Variants in RHBDD1 observed in about 807,000 individuals in gnomAD.
RHBDD1 encodes rhomboid domain containing 1, also known as rhomboid-related protein 4.
A neutral mutation model predicts 36.3 loss-of-function variants in RHBDD1; 38 were observed. The ratio of observed to expected loss-of-function variants is 1.05; its 90% CI spans 0.81 to 1.37. RHBDD1 has a LOEUF of 1.37. Ranked by LOEUF, RHBDD1 falls within the 40% of genes most tolerant of loss-of-function variation. RHBDD1 has a pLI of 0.00. For missense variants in RHBDD1, 393 were observed against 377.6 expected, an observed-to-expected ratio of 1.04 and a Z score of -0.34; for synonymous variants, 151 against 136.5, an observed-to-expected ratio of 1.11 and a Z score of -0.74.
At chr2:226,986,512 C>T (rs998003740) in intron 8 of RHBDD1, among the ~76,000 whole-genome samples, 1 of 151,760 alleles carries the variant, frequency 6.6e-6, no homozygotes, top group African/African-American at 2.4e-5. Flanking sequence ...CATCAAAAAG[C>T]AGGTAAAGGA....
At chr2:226,928,552 T>G (rs1949816283) in intron 8 of RHBDD1, among the ~76,000 whole-genome samples, 1 of 151,944 alleles carries the variant, frequency 6.6e-6, no homozygotes, top group Admixed American at 6.6e-5. Flanking sequence ...TCAGAAAGTC[T>G]GAAAGATCAC....
intron 8 of RHBDD1, among the ~76,000 whole-genome samples, chr2:226,981,966 G>A (rs1337512031): frequency 6.6e-6 from 1 of 152,204 alleles, no homozygotes; most frequent in African/African-American, 2.4e-5. Flanking sequence ...CTAGACCTTT[G>A]TGGAGAAGCC....
At chr2:226,950,617 C>A (rs558924506) in intron 8 of RHBDD1, among the ~76,000 whole-genome samples, 1 of 152,234 alleles carries the variant, frequency 6.6e-6, no homozygotes, top group East Asian at 1.9e-4. Flanking sequence ...TGCAAGAGTT[C>A]CCCTTTCTCC....
At chr2:226,993,477 A>G (rs140363753) in intron 8 of RHBDD1, among the ~76,000 whole-genome samples, 3 of 152,270 alleles carry the variant, frequency 2.0e-5, no homozygotes, top group East Asian at 3.8e-4. Flanking sequence ...GGATCTCATC[A>G]TATAAAACAG....
chr2:226,820,960 G>A, the RHBDD1 span, among the ~76,000 whole-genome samples: 8 of 152,286 alleles, frequency 5.3e-5, no homozygotes, highest in East Asian at 5.8e-4. Flanking sequence ...AACAGCATCC[G>A]TGGCATCAGT....
At chr2:226,923,482 A>G (rs80332803) in intron 8 of RHBDD1, among the ~76,000 whole-genome samples, 12,868 of 152,014 alleles carry the variant, frequency 0.085, 734 homozygotes, top group Middle Eastern at 0.16. Context: ...TTGATTATTA[A>G]ATGTCTTGAG....
intron 8 of RHBDD1, among the ~76,000 whole-genome samples, chr2:226,948,895 G>A (rs1452402968): frequency 2.0e-5 from 3 of 152,172 alleles, no homozygotes; most frequent in Admixed American, 2.0e-4. Context: ...AAACCCCATC[G>A]TCTCAGCTCA....
intron 5 of RHBDD1, among the ~76,000 whole-genome samples, chr2:226,895,226 C>G (rs555428688): frequency 6.6e-6 from 1 of 152,308 alleles, no homozygotes; most frequent in South Asian, 2.1e-4. Flanking sequence ...GTTACATGAG[C>G]CAGGGTGAAG....
the RHBDD1 span, among the ~76,000 whole-genome samples, chr2:226,801,496 G>A: frequency 6.6e-6 from 1 of 152,212 alleles, no homozygotes; most frequent in African/African-American, 2.4e-5. Flanking sequence ...CCCCACCCAA[G>A]CCTGGGAGCC....
intron 3 of RHBDD1, among the ~76,000 whole-genome samples, chr2:226,847,863 G>A (rs763558618): frequency 6.6e-6 from 1 of 152,234 alleles, no homozygotes; most frequent in Non-Finnish European, 1.5e-5. Flanking sequence ...CTCTCTCAGA[G>A]TAAACCTTGC....
the RHBDD1 span, chr2:226,803,983 A>G: frequency 2.6e-5 from 4 of 152,328 alleles, no homozygotes; most frequent in Non-Finnish European, 4.4e-5. Flanking sequence ...GGTAAGTAGC[A>G]TAGTTCTAAT....
chr2:226,946,090 A>G (rs149890659), intron 8 of RHBDD1, among the ~76,000 whole-genome samples: 2,515 of 151,064 alleles, frequency 0.017, 47 homozygotes, highest in East Asian at 0.11. Flanking sequence ...TTCTCCCATC[A>G]TGTAGGTTGC....
intron 8 of RHBDD1, among the ~76,000 whole-genome samples, chr2:226,919,973 C>T (rs1949194828): frequency 6.6e-6 from 1 of 151,790 alleles, no homozygotes; most frequent in South Asian, 2.1e-4. Context: ...TATGTTTCCA[C>T]TTTTTGTGTC....
chr2:226,873,559 T>C (rs2125317981), intron 5 of RHBDD1, among the ~76,000 whole-genome samples: 1 of 152,282 alleles, frequency 6.6e-6, no homozygotes, highest in Non-Finnish European at 1.5e-5. Flanking sequence ...AGCTGCATGT[T>C]TCTGTTGAGA....
the RHBDD1 span, among the ~76,000 whole-genome samples, chr2:226,824,543 T>C: frequency 6.6e-6 from 1 of 152,232 alleles, no homozygotes; most frequent in African/African-American, 2.4e-5. Flanking sequence ...ATCTAAATTA[T>C]GTAAAGTGGA....
At chr2:226,816,390 A>AAAAG in the RHBDD1 span, among the ~76,000 whole-genome samples, 6 of 149,506 alleles carry the variant, frequency 4.0e-5, no homozygotes, top group African/African-American at 1.5e-4. Flanking sequence ...AAAAAAAAAA[A>AAAAG]AAAAAAGAAA....
At chr2:226,935,730 G>A (rs1950290756) in intron 8 of RHBDD1, among the ~76,000 whole-genome samples, 1 of 152,028 alleles carries the variant, frequency 6.6e-6, no homozygotes, top group Non-Finnish European at 1.5e-5. Context: ...AAAGAGATGG[G>A]AGTTTTGGGA....
At chr2:226,938,678 A>G (rs1950494574) in intron 8 of RHBDD1, among the ~76,000 whole-genome samples, 1 of 152,144 alleles carries the variant, frequency 6.6e-6, no homozygotes, top group African/African-American at 2.4e-5. Context: ...TTCACAGCTG[A>G]ATTCTATCAG....
At chr2:226,976,576 G>A (rs541753710) in intron 8 of RHBDD1, among the ~76,000 whole-genome samples, 5 of 152,220 alleles carry the variant, frequency 3.3e-5, no homozygotes, top group South Asian at 2.1e-4. Context: ...ACACAGTTCC[G>A]TGTGGTGCTG....
Sources: gnomAD v4.1 joint callset for allele counts (sites outside exome capture counted in the v4.1 genomes callset) on GRCh38, gnomAD v4.1.1 for gene constraint, MANE v1.5 for transcripts, NCBI Gene and HGNC (gene_info 2026-07-23, HGNC 2026-07-21) for gene names.